Variants in IL12RB2 observed in about 807,000 individuals in gnomAD.
IL12RB2 encodes interleukin-12 receptor subunit beta-2.
A neutral mutation model predicts 89.4 loss-of-function variants in IL12RB2; 82 were observed. That is an observed-to-expected ratio of 0.92 (90% CI 0.77 to 1.10). The LOEUF is 1.10. Among genes scored for constraint, IL12RB2 ranks in the 50% least tolerant of loss-of-function variants. The pLI is 0.00. For missense variants in IL12RB2, 963 were observed against 1,031.9 expected (o/e 0.93, Z 0.92); for synonymous variants, 368 against 370.1 (o/e 0.99, Z 0.07).
chr1:67,379,509 C>CAA (rs58494224), intron 13 of IL12RB2, among the ~76,000 whole-genome samples: 4,666 of 68,216 alleles, frequency 0.068, 284 homozygotes, highest in Middle Eastern at 0.12. Flanking sequence ...GAACCTGTCT[C>CAA]AAAAAAAAAA....
At chr1:67,361,518 A>G (rs1204926774) in intron 10 of IL12RB2, among the ~76,000 whole-genome samples, 1 of 152,224 alleles carries the variant, frequency 6.6e-6, no homozygotes, top group African/African-American at 2.4e-5. Context: ...CAAATGAAGA[A>G]TGTCTTTGAT....
chr1:67,343,726 A>G (rs768067745), intron 9 of IL12RB2, among the ~76,000 whole-genome samples: 5 of 152,222 alleles, frequency 3.3e-5, no homozygotes, highest in Non-Finnish European at 5.9e-5. Context: ...TCATATATAT[A>G]TGAAAAAGAT....
rs532666612 is a variant in IL12RB2, at chr1:67,338,503, A to C, written c.959-121A>C. The C allele has an allele frequency of 6.7e-4, 462 of 686,660 alleles. 2 individuals are homozygous for C. The highest frequency in any genetic ancestry group is 1.1e-3 in the Non-Finnish European group (406 of 372,506). 42.5% of individuals were successfully genotyped at this position (686,660 alleles called of 1,614,324 possible). A position where few individuals can be genotyped will look rare whatever the true frequency, so the allele number is the denominator to read the frequency against. On this transcript the variant is annotated intron_variant, in intron 8 of 16. Transcript: ENST00000674203. The stretch of plus-strand genomic sequence containing the variant: ...CAAGAAAAAGAAAAAATACTGGGAC[A>C]CACACAAATAATTGAAGTTATCCTC...
intron 4 of IL12RB2, among the ~76,000 whole-genome samples, chr1:67,322,883 C>G (rs1373410681): frequency 6.6e-6 from 1 of 152,178 alleles, no homozygotes; most frequent in Non-Finnish European, 1.5e-5. Flanking sequence ...AACCTGTGGC[C>G]CATAGCCTTG....
chr1:67,367,910 C>G lies in IL12RB2; in HGVS notation c.1344C>G (p.Pro448=), dbSNP rs771467690. 8.7e-6 allele frequency: 14 copies of G among 1,607,346 alleles called. No individual in the cohort carries two copies. The highest frequency in any genetic ancestry group is 3.3e-5 in the South Asian group (3 of 90,982). The part of the protein sequence containing the change: ...LVTWQPPRKD[P]SAVQEYVVEW... Reference sequence around the variant, plus strand: ...CTTGGCAGCCTCCCAGGAAAGATCCCTCTGCTGTTCAGGAGTACGTGGTGG... The same window carrying G: ...CTTGGCAGCCTCCCAGGAAAGATCCGTCTGCTGTTCAGGAGTACGTGGTGG... Residue 448 remains proline (P), a synonymous_variant, in exon 11 of 17, where the codon CCC becomes CCG. Coordinates refer to ENST00000674203, the MANE Select transcript of IL12RB2 (RefSeq NM_001374259.2).
rs539928846 is a variant in IL12RB2 at position 67,367,929 on chromosome 1, G to A, written c.1363G>A (p.Val455Met). The A allele has an allele frequency of 1.7e-5, 27 of 1,606,980 alleles. No homozygotes were observed. The South Asian group carries it at 2.4e-4, about 14-fold the overall frequency. Residue 455 changes from valine to methionine, a missense_variant, in exon 11 of 17, where the codon GTG becomes ATG. Transcript: ENST00000674203. ...RKDPSAVQEY[V>M]VEWRELHPGG... is the part of the protein sequence containing the mutation. The stretch of plus-strand genomic sequence containing the variant: ...AGATCCCTCTGCTGTTCAGGAGTAC[G>A]TGGTGGAATGGAGAGAGCTCCATCC...
At position 67,396,069 on chromosome 1, in the gene IL12RB2, T is replaced by C. The variant is rs769240325; in HGVS notation, c.2569T>C (p.Cys857Arg). 6 of 1,598,778 alleles carry C rather than the reference T, an allele frequency of 3.8e-6. No homozygotes were observed. Among genetic ancestry groups the C allele is most frequent in the Non-Finnish European group, 5.1e-6 (6 of 1,165,952 alleles). The part of the protein sequence containing the change: ...KLTLDQLKMR[C>R]DSLML ...GACTCTGGATCAGTTAAAGATGAGGTGTGACTCCCTCATGCTCTGAGTGGT... is the reference window on the plus strand; with the variant it reads ...GACTCTGGATCAGTTAAAGATGAGGCGTGACTCCCTCATGCTCTGAGTGGT... Residue 857 changes from cysteine to arginine, a missense_variant, in exon 17 of 17, where the codon TGT (cysteine) becomes CGT (arginine). Cys to Arg is a radical substitution (Grantham distance 180, BLOSUM62 -3). Transcript: ENST00000674203.
At chr1:67,314,534 G>T (rs1306670085) in intron 2 of IL12RB2, among the ~76,000 whole-genome samples, 1 of 152,164 alleles carries the variant, frequency 6.6e-6, no homozygotes, top group Non-Finnish European at 1.5e-5. Flanking sequence ...ATAGCATATA[G>T]CAGAACTGAG....
intron 10 of IL12RB2, among the ~76,000 whole-genome samples, chr1:67,360,532 C>T (rs563607988): frequency 3.3e-5 from 5 of 151,502 alleles, no homozygotes; most frequent in South Asian, 2.1e-4. Flanking sequence ...CAGTGGTTCA[C>T]GCCTTGTAAT....
chr1:67,393,611 G>A (rs1666064763), intron 16 of IL12RB2, among the ~76,000 whole-genome samples: 1 of 152,206 alleles, frequency 6.6e-6, no homozygotes, highest in Non-Finnish European at 1.5e-5. Flanking sequence ...GAAGTGAAAC[G>A]CAAACACACA....
chr1:67,328,097 A>T, intron 5 of IL12RB2, 103 bp from the exon 6 acceptor site: 1 of 881,356 alleles, frequency 1.1e-6, no homozygotes, highest in Non-Finnish European at 1.9e-6. Context: ...ACCTTTAAAA[A>T]TTGTCTAGAA....
intron 11 of IL12RB2, among the ~76,000 whole-genome samples, chr1:67,371,733 A>G (rs1381677572): frequency 2.6e-5 from 4 of 152,232 alleles, no homozygotes; most frequent in Non-Finnish European, 5.9e-5. Context: ...GCGGCGCTTT[A>G]AAAGCCAGGA....
chr1:67,325,820 T>C (rs1657207486), intron 4 of IL12RB2, among the ~76,000 whole-genome samples: 1 of 152,242 alleles, frequency 6.6e-6, no homozygotes, highest in Non-Finnish European at 1.5e-5. Context: ...GAAATATGTA[T>C]CTACACGTGG....
chr1:67,336,927 G>A (rs1658846969), intron 8 of IL12RB2, among the ~76,000 whole-genome samples: 2 of 152,186 alleles, frequency 1.3e-5, no homozygotes, highest in Admixed American at 1.3e-4. Flanking sequence ...GTGTCAGCAC[G>A]CTCCACTGAA....
chr1:67,336,897 A>T (rs937733205), intron 8 of IL12RB2, among the ~76,000 whole-genome samples: 1 of 152,180 alleles, frequency 6.6e-6, no homozygotes, highest in African/African-American at 2.4e-5. Context: ...CAAGAGCTAC[A>T]CTTGCTGAGC....
intron 9 of IL12RB2, among the ~76,000 whole-genome samples, chr1:67,339,486 CAA>C (rs200086991): frequency 3.0e-4 from 23 of 77,292 alleles, no homozygotes; most frequent in Admixed American, 4.2e-4. Flanking sequence ...GACTACGTTT[CAA>C]AAAAAAAAAA....
intron 2 of IL12RB2, among the ~76,000 whole-genome samples, chr1:67,316,143 G>A (rs754487972): frequency 2.1e-4 from 32 of 152,296 alleles, no homozygotes; most frequent in South Asian, 2.1e-4. Flanking sequence ...CTCTGCCCCT[G>A]AGGAGCTTGC....
Position 67,321,618 on chromosome 1 carries a change from C to T in IL12RB2, c.93C>T (p.Gly31=), listed in dbSNP as rs149390309. 6.1e-4 allele frequency: 973 copies of T among 1,601,360 alleles called. 4 individuals carry two copies. The highest frequency in any genetic ancestry group is 4.3e-3 in the Admixed American group (258 of 59,998). Reference sequence around the variant, plus strand: ...TTATTGCAGATGCGTGCAAGAGAGGCGATGTGACTGTGAAGCCTTCCCATG... The same window carrying T: ...TTATTGCAGATGCGTGCAAGAGAGGTGATGTGACTGTGAAGCCTTCCCATG... ...IKAKIDACKR[G]DVTVKPSHVI... The change falls in exon 4 of 17, where the codon GGC becomes GGT. Residue 31 remains glycine, a synonymous_variant. Transcript: ENST00000674203.
chr1:67,318,794 A>T (rs2100574374), intron 2 of IL12RB2, among the ~76,000 whole-genome samples: 1 of 152,038 alleles, frequency 6.6e-6, no homozygotes, highest in South Asian at 2.1e-4. Flanking sequence ...GCTCAGGGGG[A>T]TGTGTGAGTT....
Sources: allele counts gnomAD v4.1 joint callset (sites outside exome capture counted in the v4.1 genomes callset), GRCh38; gene constraint gnomAD v4.1.1; transcripts MANE v1.5; gene names NCBI Gene and HGNC (gene_info 2026-07-23, HGNC 2026-07-21).